HOXA3: variants seen among roughly 807,000 people sequenced by gnomAD.
HOXA3 encodes homeobox protein Hox-A3.
A neutral mutation model predicts 30.3 loss-of-function variants in HOXA3; 8 were observed. That is an observed-to-expected ratio of 0.26 (90% CI 0.15 to 0.48). HOXA3 has a LOEUF of 0.48. Among genes scored for constraint, HOXA3 ranks in the 20% least tolerant of loss-of-function variants. HOXA3 has a pLI of 0.99. For synonymous variants in HOXA3, 323 were observed against 273.1 expected (o/e 1.18, Z -1.80); for missense variants, 653 against 614.4 (o/e 1.06, Z -0.66).
intron 1 of HOXA3, chr7:27,141,959 T>C (rs1782585503): frequency 5.0e-6 from 8 of 1,614,240 alleles, no homozygotes; most frequent in Middle Eastern, 1.6e-4. Context: ...GCAAAGAGCA[T>C]GTGCTATTTC....
intron 1 of HOXA3, among the ~76,000 whole-genome samples, chr7:27,144,189 G>T (rs1782673854): frequency 6.6e-6 from 1 of 152,190 alleles, no homozygotes; most frequent in Non-Finnish European, 1.5e-5. Context: ...GTTGGGGTCG[G>T]TACTGACCGT....
intron 4 of HOXA3, among the ~76,000 whole-genome samples, chr7:27,120,536 CAAAAAAA>C (rs5883061): frequency 4.7e-5 from 4 of 84,260 alleles, no homozygotes; most frequent in African/African-American, 9.3e-5. Context: ...GCGACTCTGT[CAAAAAAA>C]AAAAAAAAAA....
rs374567717 is a variant in HOXA3 at position 27,144,102 on chromosome 7, G to A, written c.-493-3916C>T. Among the ~76,000 whole-genome samples the A allele has an allele frequency of 3.3e-5, 5 of 152,386 alleles. No homozygotes were observed. The East Asian group carries it at 7.7e-4, about 23-fold the overall frequency. ...CCCGGCGAGGATGCAGAGGATTGGG[G>A]GGAGGTGGTGACTTGCATTTTATTT... On this transcript the variant is annotated intron_variant, in intron 1 of 5. Transcript: ENST00000612286.
intron 1 of HOXA3, chr7:27,147,798 G>A (rs1782831908): frequency 6.7e-7 from 1 of 1,499,398 alleles, no homozygotes; most frequent in Non-Finnish European, 9.0e-7. Flanking sequence ...TAGTACATCT[G>A]GCTATAACTA....
chr7:27,128,645 G>T (rs4722660), intron 2 of HOXA3: 150,360 of 158,190 alleles, frequency 0.95, 71,546 homozygotes, highest in East Asian at 1. Context: ...CCCCAGAAGG[G>T]GACAACAGTA....
At position 27,143,388 on chromosome 7, in the gene HOXA3, C is replaced by T; in HGVS notation, c.-493-3202G>A. 2 of 1,601,854 alleles carry T rather than the reference C, an allele frequency of 1.2e-6. No homozygotes were observed. Among genetic ancestry groups the T allele is most frequent in the South Asian group, 1.1e-5 (1 of 90,184 alleles). ...GCGGGCGCCGCGCTGGCGCTGGCAG[C>T]GTAGCTGCGGGCGCGCTCTCCGGAG... On this transcript the variant is annotated intron_variant, in intron 1 of 5. Coordinates refer to ENST00000612286, the MANE Select transcript of HOXA3 (RefSeq NM_153631.3).
intron 3 of HOXA3, chr7:27,122,864 A>G (rs1785088057): frequency 6.6e-6 from 1 of 152,160 alleles, no homozygotes. Flanking sequence ...TAAAATAAAT[A>G]CATACTCCAT....
Position 27,141,833 on chromosome 7 carries a change from A to T in HOXA3, c.-493-1647T>A, listed in dbSNP as rs17472021. 1.3e-3 allele frequency: 2,018 copies of T among 1,613,622 alleles called. 22 individuals carry two copies. The African/African-American group carries it at 0.022, about 18-fold the overall frequency. ...TGCTCAGTACTTTAAACGCTCAGATACTCAGGGACGGAAGGCCCCTCCTGC... is the reference window on the plus strand; with the variant it reads ...TGCTCAGTACTTTAAACGCTCAGATTCTCAGGGACGGAAGGCCCCTCCTGC... On this transcript the variant is annotated intron_variant, in intron 1 of 5. Transcript: ENST00000612286.
intron 1 of HOXA3, among the ~76,000 whole-genome samples, chr7:27,144,939 G>A (rs1179773121): frequency 1.3e-5 from 2 of 152,204 alleles, no homozygotes; most frequent in Admixed American, 6.5e-5. Context: ...ATCGGAGGCT[G>A]GGAGCGGGAA....
At position 27,107,132 on chromosome 7, in the gene HOXA3, G is replaced by A. The variant is rs1784045014; in HGVS notation, c.*783C>T. ...CAGATTTTTTTTTTCAGTTTTGCCG[G>A]ATGTTACAAACCTAAATCACTGTTT... is the stretch of plus-strand genomic sequence containing the variant. On this transcript the variant is annotated 3_prime_UTR_variant, in exon 6 of 6. Coordinates refer to ENST00000612286, the MANE Select transcript of HOXA3 (RefSeq NM_153631.3). 6.6e-6 allele frequency: 1 copy of A among 152,142 alleles called. No individual in the cohort carries two copies. The highest frequency in any genetic ancestry group is 2.4e-5 in the African/African-American group (1 of 41,302). 9.4% of individuals were successfully genotyped at this position (152,142 alleles called of 1,614,324 possible). A position where few individuals can be genotyped will look rare whatever the true frequency, so the allele number is the denominator to read the frequency against.
intron 3 of HOXA3, chr7:27,123,899 A>C (rs1301346630): frequency 6.6e-6 from 1 of 152,146 alleles, no homozygotes; most frequent in Admixed American, 6.6e-5. Flanking sequence ...CTCTTGTTCA[A>C]ACTTGCTTTC....
intron 4 of HOXA3, among the ~76,000 whole-genome samples, chr7:27,119,023 A>G (rs1784878956): frequency 1.3e-5 from 2 of 152,124 alleles, no homozygotes; most frequent in African/African-American, 4.8e-5. Flanking sequence ...ATCTAGAGAA[A>G]CCTAGTGCCC....
intron 2 of HOXA3, among the ~76,000 whole-genome samples, chr7:27,135,470 C>A (rs973694089): frequency 2.6e-5 from 4 of 152,146 alleles, no homozygotes; most frequent in Non-Finnish European, 5.9e-5. Context: ...AATTCTGTGT[C>A]TTTCAGGAGG....
At chr7:27,151,734 G>A (rs1248815492) in intron 1 of HOXA3, 2 of 455,962 alleles carry the variant, frequency 4.4e-6, no homozygotes, top group African/African-American at 4.0e-5. Context: ...CAATTCCCAC[G>A]GAGTAGAAAG....
rs572966051 is a variant in HOXA3, at chr7:27,141,787, C to G, written c.-493-1601G>C. 8 of 1,593,906 alleles carry G rather than the reference C, an allele frequency of 5.0e-6. No homozygotes were observed. In the South Asian group the frequency reaches 9.2e-5, roughly 18 times the overall value. On this transcript the variant is annotated intron_variant, in intron 1 of 5. Coordinates refer to ENST00000612286, the MANE Select transcript of HOXA3 (RefSeq NM_153631.3). ...TCAGAAAGTCACCTTAGTACTGACA[C>G]TACGCGGGATCCGCTAATACTGCTC...
At chr7:27,143,335 C>T (rs746769658) in intron 1 of HOXA3, 3 of 1,594,906 alleles carry the variant, frequency 1.9e-6, no homozygotes, top group South Asian at 2.2e-5. Context: ...AGTGCGTGGA[C>T]GTGGCCGGCT....
intron 1 of HOXA3, chr7:27,141,800 G>C: frequency 6.2e-7 from 1 of 1,607,956 alleles, no homozygotes; most frequent in Non-Finnish European, 8.5e-7. Flanking sequence ...CGCGGGATCC[G>C]CTAATACTGC....
Position 27,108,620 on chromosome 7 carries a change from C to T in HOXA3, c.627G>A (p.Glu209=). 1 of 1,614,168 alleles carries T rather than the reference C, an allele frequency of 6.2e-7. No individual in the cohort carries two copies. Among genetic ancestry groups the T allele is most frequent in the African/African-American group, 1.3e-5 (1 of 75,070 alleles). ...TSAQLVELEK[E]FHFNRYLCRP... is the part of the protein sequence containing the mutation. ...GGCACAGGTAGCGGTTGAAGTGGAA[C>T]TCTTTCTCCAGCTCCACCAGCTGCG... is the stretch of plus-strand genomic sequence containing the variant. The change falls in exon 6 of 6, where the codon GAG becomes GAA. Residue 209 remains glutamate, a synonymous_variant. Transcript: ENST00000612286. The surrounding 1 kb of genome is among the most constrained non-coding windows in gnomAD (Gnocchi z 5.0).
chr7:27,120,343 C>T (rs1784943088), intron 4 of HOXA3, among the ~76,000 whole-genome samples: 1 of 151,814 alleles, frequency 6.6e-6, no homozygotes, highest in African/African-American at 2.4e-5. Context: ...CAGTTCGAGA[C>T]CAGCCTGAAC....
Sources: gnomAD v4.1 joint callset for allele counts (sites outside exome capture counted in the v4.1 genomes callset) on GRCh38, gnomAD v4.1.1 for gene constraint, Gnocchi (gnomAD v3.1) non-coding constraint, MANE v1.5 for transcripts, NCBI Gene and HGNC (gene_info 2026-07-23, HGNC 2026-07-21) for gene names.